Variants in RSPH14 observed in about 807,000 individuals in gnomAD.
RSPH14 encodes radial spoke head 14 homolog, also known as rhabdoid tumor deletion region gene 1.
A neutral mutation model predicts 26.7 loss-of-function variants in RSPH14; 20 were observed. The observed-to-expected ratio is 0.75, with a 90% CI of 0.53 to 1.09. The LOEUF (loss-of-function observed/expected upper bound fraction) is 1.09. Ranked by LOEUF, RSPH14 falls within the 50% of genes least tolerant of loss-of-function variation. The pLI is 0.00. For missense variants in RSPH14, 449 were observed against 457.2 expected, an observed-to-expected ratio of 0.98 and a Z score of 0.16; for synonymous variants, 177 against 189.3, an observed-to-expected ratio of 0.93 and a Z score of 0.53.
intron 4 of RSPH14, chr22:23,131,574 A>G (rs1333360877): frequency 1.5e-6 from 2 of 1,294,098 alleles, no homozygotes; most frequent in African/African-American, 1.5e-5. Context: ...TGAATGCTTT[A>G]AATAGGTCAC....
At chr22:23,099,044 C>T (rs1011704598) in intron 4 of RSPH14, among the ~76,000 whole-genome samples, 3 of 152,290 alleles carry the variant, frequency 2.0e-5, no homozygotes, top group South Asian at 2.1e-4. Flanking sequence ...GCTCTGGACA[C>T]GGCTCCTCCA....
At chr22:23,153,284 C>A in the RSPH14 span, 1 of 671,134 alleles carries the variant, frequency 1.5e-6, no homozygotes, top group East Asian at 2.6e-5. Context: ...AGCTTCCTGG[C>A]TCCCAGAGCC....
chr22:23,124,527 A>G (rs1353794467), intron 4 of RSPH14: 3 of 322,610 alleles, frequency 9.3e-6, no homozygotes, highest in African/African-American at 6.8e-5. Flanking sequence ...GAAAATAAAC[A>G]CGACATATTT....
At chr22:23,126,359 A>G (rs958106245) in intron 4 of RSPH14, among the ~76,000 whole-genome samples, 10 of 152,136 alleles carry the variant, frequency 6.6e-5, no homozygotes, top group African/African-American at 2.4e-4. Flanking sequence ...CCTCCCCTGC[A>G]GTTCACCTGC....
At chr22:23,154,355 C>T in the RSPH14 span, among the ~76,000 whole-genome samples, 180 of 152,362 alleles carry the variant, frequency 1.2e-3, 4 homozygotes, top group East Asian at 0.033. Context: ...CTGTGGATGT[C>T]AGTTCCTAAC....
chr22:23,095,942 C>T (rs1485802752), intron 4 of RSPH14: 6 of 1,612,724 alleles, frequency 3.7e-6, no homozygotes, highest in African/African-American at 1.3e-5. Flanking sequence ...CTCGCTGACC[C>T]GCATCATCCG....
chr22:23,149,244 C>T (rs1227296838), upstream of RSPH14, among the ~76,000 whole-genome samples: 2 of 152,210 alleles, frequency 1.3e-5, no homozygotes, highest in African/African-American at 4.8e-5. Flanking sequence ...ATCACACCAA[C>T]AGCCTCAATG....
chr22:23,145,416 A>G, upstream of RSPH14: 1 of 1,610,436 alleles, frequency 6.2e-7, no homozygotes, highest in Non-Finnish European at 8.5e-7. Context: ...CTGCCAGTCC[A>G]ACGCAGACCC....
chr22:23,092,770 A>G (rs1422874993), intron 4 of RSPH14, among the ~76,000 whole-genome samples: 1 of 152,336 alleles, frequency 6.6e-6, no homozygotes, highest in South Asian at 2.1e-4. Context: ...CCCAAAGCAC[A>G]AATCACACAT....
chr22:23,095,416 A>T, intron 4 of RSPH14: 1 of 440,684 alleles, frequency 2.3e-6, no homozygotes. Context: ...GTCGCCGAGG[A>T]CAGGGAATGA....
the RSPH14 span, among the ~76,000 whole-genome samples, chr22:23,153,964 C>T: frequency 2.2e-4 from 33 of 152,142 alleles, no homozygotes; most frequent in African/African-American, 8.0e-4. Flanking sequence ...GCTGGGATTA[C>T]AGGTGTGAGC....
At chr22:23,070,896 GC>G in intron 4 of RSPH14, 1 of 152,378 alleles carries the variant, frequency 6.6e-6, no homozygotes, top group Non-Finnish European at 1.5e-5. Context: ...GCCGCCGGGC[GC>G]CCCCAAGCAG....
At chr22:23,161,727 A>C in the RSPH14 span, 1 of 629,532 alleles carries the variant, frequency 1.6e-6, no homozygotes, top group South Asian at 1.9e-5. Flanking sequence ...GCTCCAGGGC[A>C]CAGTCACTTG....
At chr22:23,135,784 G>A (rs1050065672) in intron 3 of RSPH14, among the ~76,000 whole-genome samples, 1 of 151,908 alleles carries the variant, frequency 6.6e-6, no homozygotes, top group African/African-American at 2.4e-5. Context: ...CATTTCTTCA[G>A]TTCCTTGCTT....
At chr22:23,160,786 C>A in the RSPH14 span, 27 of 1,537,478 alleles carry the variant, frequency 1.8e-5, no homozygotes, top group Non-Finnish European at 2.2e-5. Context: ...TACGTGCCAA[C>A]CTGAGGGTAG....
the RSPH14 span, chr22:23,152,995 T>A: frequency 6.9e-7 from 1 of 1,452,472 alleles, no homozygotes; most frequent in Non-Finnish European, 9.7e-7. Context: ...CACATTTCTG[T>A]GAGTACACCC....
At chr22:23,088,953 CTG>C (rs2068888265) in intron 4 of RSPH14, among the ~76,000 whole-genome samples, 1 of 152,224 alleles carries the variant, frequency 6.6e-6, no homozygotes, top group East Asian at 1.9e-4. Context: ...CAGTCACAGT[CTG>C]GGTACAGTTC....
intron 4 of RSPH14, among the ~76,000 whole-genome samples, chr22:23,129,945 A>G (rs1043313356): frequency 6.6e-6 from 1 of 151,044 alleles, no homozygotes; most frequent in East Asian, 1.9e-4. Context: ...AAGGAAGGAA[A>G]GAAGGAGAAA....
intron 4 of RSPH14, among the ~76,000 whole-genome samples, chr22:23,086,445 T>C (rs1301062080): frequency 6.6e-6 from 1 of 152,248 alleles, no homozygotes; most frequent in African/African-American, 2.4e-5. Flanking sequence ...GAGGTGCAGC[T>C]GTCCCCTGCG....
Sources: allele counts gnomAD v4.1 joint callset (sites outside exome capture counted in the v4.1 genomes callset), GRCh38; gene constraint gnomAD v4.1.1; transcripts MANE v1.5; gene names NCBI Gene and HGNC (gene_info 2026-07-23, HGNC 2026-07-21).